Variants in MAPK10 observed in about 807,000 individuals in gnomAD.
MAPK10 encodes the protein JNK3 alpha protein kinase.
Under a neutral mutation model 59.3 loss-of-function variants are expected in MAPK10, and 25 were observed. That is an observed-to-expected ratio of 0.42 (90% CI 0.31 to 0.59). MAPK10 has a LOEUF of 0.59. MAPK10 is among the 20% of genes least tolerant of loss of function. The pLI is 0.15. For synonymous variants in MAPK10, 190 were observed against 200.5 expected (o/e 0.95, Z 0.44); for missense variants, 351 against 568.9 (o/e 0.62, Z 3.90).
intron 2 of MAPK10, among the ~76,000 whole-genome samples, chr4:86,341,678 G>A (rs908129318): frequency 2.0e-5 from 3 of 151,816 alleles, no homozygotes; most frequent in Non-Finnish European, 2.9e-5. Context: ...TGTTACTCTA[G>A]GTAATAAAAA....
chr4:86,249,084 A>G (rs766680740), intron 2 of MAPK10, among the ~76,000 whole-genome samples: 2 of 152,218 alleles, frequency 1.3e-5, no homozygotes, highest in African/African-American at 2.4e-5. Context: ...CCTTGGCCAT[A>G]TCAACCTCTG....
At chr4:86,479,894 T>G (rs1028095643) in intron 1 of MAPK10, among the ~76,000 whole-genome samples, 3 of 152,072 alleles carry the variant, frequency 2.0e-5, no homozygotes, top group Non-Finnish European at 4.4e-5. Flanking sequence ...AAATCTTCCT[T>G]CAGCTTAATC....
At chr4:86,180,407 A>G (rs2076632728) in intron 3 of MAPK10, among the ~76,000 whole-genome samples, 1 of 151,656 alleles carries the variant, frequency 6.6e-6, no homozygotes, top group South Asian at 2.1e-4. Flanking sequence ...TACAAGCACT[A>G]TGGAGAACAG....
At chr4:86,472,545 G>A (rs1752742284) in intron 1 of MAPK10, among the ~76,000 whole-genome samples, 1 of 152,174 alleles carries the variant, frequency 6.6e-6, no homozygotes, top group Non-Finnish European at 1.5e-5. Context: ...ACTTGGGAGG[G>A]TGGTGGGAGG....
At chr4:86,026,172 A>G (rs1009263874) in intron 13 of MAPK10, among the ~76,000 whole-genome samples, 1 of 152,168 alleles carries the variant, frequency 6.6e-6, no homozygotes, top group Non-Finnish European at 1.5e-5. Context: ...CAGCATCCTT[A>G]TCTTAGTGAG....
At position 86,461,757 on chromosome 4, in the gene MAPK10, G is replaced by T. The variant is rs923714897; in HGVS notation, c.-262-107113C>A. ...ATCCCCTCATTATTTTGAAGAAAAA[G>T]AGTGGCCTGACCCTCCAGATCTTTC... On this transcript the variant is annotated intron_variant, in intron 1 of 4. Transcript: ENST00000502302. 5.3e-5 allele frequency among the ~76,000 whole-genome samples: 8 copies of T among 152,298 alleles called. 1 individual carries two copies. Among genetic ancestry groups the T allele is most frequent in the Admixed American group, 5.2e-4 (8 of 15,296 alleles).
At chr4:86,448,401 G>A (rs1257671718) in intron 1 of MAPK10, among the ~76,000 whole-genome samples, 2 of 147,696 alleles carry the variant, frequency 1.4e-5, no homozygotes, top group Non-Finnish European at 3.0e-5. Context: ...AGAATTCTGG[G>A]TTTTTTTTTT....
intron 1 of MAPK10, among the ~76,000 whole-genome samples, chr4:86,520,908 T>A (rs992589931): frequency 1.3e-5 from 2 of 152,186 alleles, no homozygotes; most frequent in African/African-American, 4.8e-5. Flanking sequence ...CCAATGGGGC[T>A]ACTGGATTCC....
At chr4:86,574,099 C>G (rs1761676976) in intron 1 of MAPK10, among the ~76,000 whole-genome samples, 1 of 151,970 alleles carries the variant, frequency 6.6e-6, no homozygotes, top group Admixed American at 6.6e-5. Flanking sequence ...TGTTCCCCTT[C>G]CTGTGTCCAT....
At chr4:86,508,863 A>C (rs571154094) in intron 1 of MAPK10, among the ~76,000 whole-genome samples, 1 of 152,316 alleles carries the variant, frequency 6.6e-6, no homozygotes, top group Admixed American at 6.5e-5. Context: ...TCAAACATTC[A>C]GGCATGTCAA....
At chr4:86,182,673 T>C (rs1263991509) in intron 3 of MAPK10, among the ~76,000 whole-genome samples, 1 of 152,106 alleles carries the variant, frequency 6.6e-6, no homozygotes, top group Non-Finnish European at 1.5e-5. Flanking sequence ...CACTGTTTTC[T>C]TTAAATTGCT....
intron 1 of MAPK10, among the ~76,000 whole-genome samples, chr4:86,471,528 T>C (rs1004055891): frequency 7.2e-5 from 11 of 152,180 alleles, no homozygotes; most frequent in Non-Finnish European, 1.5e-4. Context: ...TGGATTTATA[T>C]TTGAAAAACA....
intron 2 of MAPK10, among the ~76,000 whole-genome samples, chr4:86,290,825 G>C (rs955133654): frequency 6.6e-6 from 1 of 152,122 alleles, no homozygotes; most frequent in African/African-American, 2.4e-5. Context: ...TCTGGCCATA[G>C]ACTTATCTTC....
At chr4:86,455,571 A>G (rs976141009), upstream of MAPK10, among the ~76,000 whole-genome samples, 1 of 152,232 alleles carries the variant, frequency 6.6e-6, no homozygotes, top group African/African-American at 2.4e-5. Context: ...GGGTCATTAT[A>G]TAATGATAAA....
intron 13 of MAPK10, among the ~76,000 whole-genome samples, chr4:86,019,937 T>C (rs1369472850): frequency 6.6e-6 from 1 of 152,246 alleles, no homozygotes; most frequent in Non-Finnish European, 1.5e-5. Context: ...TGTAACAGCT[T>C]TATTAAGATA....
At chr4:86,309,447 C>T (rs2095628970) in intron 2 of MAPK10, among the ~76,000 whole-genome samples, 1 of 152,188 alleles carries the variant, frequency 6.6e-6, no homozygotes, top group African/African-American at 2.4e-5. Flanking sequence ...CCAAGGGCTA[C>T]ATTGCCTTCA....
intron 2 of MAPK10, among the ~76,000 whole-genome samples, chr4:86,261,439 C>T (rs1260899958): frequency 6.6e-6 from 1 of 152,108 alleles, no homozygotes; most frequent in African/African-American, 2.4e-5. Context: ...CTGTTTGATC[C>T]AACAAATCCC....
At chr4:86,107,490 G>A in intron 4 of MAPK10, 138 bp from the exon 5 acceptor site, 2 of 1,341,764 alleles carry the variant, frequency 1.5e-6, no homozygotes, top group South Asian at 2.1e-5. Flanking sequence ...ATGCCAATCA[G>A]GCTTTAAGTA....
chr4:86,439,925 C>T (rs1307042614), intron 1 of MAPK10, among the ~76,000 whole-genome samples: 1 of 152,118 alleles, frequency 6.6e-6, no homozygotes, highest in African/African-American at 2.4e-5. Context: ...TCTGTTCAAA[C>T]ATTTCCTGAG....
Sources: allele counts gnomAD v4.1 joint callset (sites outside exome capture counted in the v4.1 genomes callset), GRCh38; gene constraint gnomAD v4.1.1; transcripts MANE v1.5; gene names NCBI Gene and HGNC (gene_info 2026-07-23, HGNC 2026-07-21).